CCBE1: variants seen among roughly 807,000 people sequenced by gnomAD.
The protein encoded by CCBE1 is collagen and calcium-binding EGF domain-containing protein 1.
In CCBE1, 37 loss-of-function variants were observed where a neutral mutation model predicts 50.0. That is an observed-to-expected ratio of 0.74 (90% CI 0.57 to 0.97). The LOEUF (loss-of-function observed/expected upper bound fraction) is 0.97, where lower values mean the gene tolerates loss of function less well. CCBE1 is among the 50% of genes least tolerant of loss of function. CCBE1 has a pLI of 0.00. For missense variants in CCBE1, 538 were observed against 523.8 expected, an observed-to-expected ratio of 1.03 and a Z score of -0.26; for synonymous variants, 234 against 203.7, an observed-to-expected ratio of 1.15 and a Z score of -1.27.
Position 59,433,127 on chromosome 18 carries a change from G to A in CCBE1, c.*2781C>T, listed in dbSNP as rs919605203. On this transcript the variant is annotated 3_prime_UTR_variant, in exon 11 of 11. Transcript: ENST00000439986. ...TGTTGAATTTTGCAGAGAGAAGGAG[G>A]AAGGAAAGATGCTAGATAAAGAGCA... 9.2e-5 allele frequency: 14 copies of A among 152,134 alleles called. No individual in the cohort carries two copies. The highest frequency in any genetic ancestry group is 3.4e-4 in the African/African-American group (14 of 41,504). 9.4% of individuals were successfully genotyped at this position (152,134 alleles called of 1,614,324 possible).
At chr18:59,559,275 G>A (rs2144441867) in intron 2 of CCBE1, among the ~76,000 whole-genome samples, 2 of 152,332 alleles carry the variant, frequency 1.3e-5, no homozygotes, top group African/African-American at 4.8e-5. Flanking sequence ...ACTGTGGGAA[G>A]TGCATGTCCA....
At position 59,442,455 on chromosome 18, in the gene CCBE1, C is replaced by T. The variant is rs115072906; in HGVS notation, c.776-2639G>A. 9.7e-3 allele frequency among the ~76,000 whole-genome samples: 1,483 copies of T among 152,224 alleles called. 23 individuals carry two copies. The highest frequency in any genetic ancestry group is 0.034 in the African/African-American group (1,396 of 41,522). Reference sequence around the variant, plus strand: ...AACATTTAAAAATTGGGGCCAGGTGCGGTGGCTCATGCCTGTAATCCCAGC... The same window carrying T: ...AACATTTAAAAATTGGGGCCAGGTGTGGTGGCTCATGCCTGTAATCCCAGC... On this transcript the variant is annotated intron_variant, in intron 7 of 10. Transcript: ENST00000439986.
At chr18:59,579,539 CA>C (rs1228177711) in intron 2 of CCBE1, among the ~76,000 whole-genome samples, 3 of 152,186 alleles carry the variant, frequency 2.0e-5, no homozygotes, top group African/African-American at 7.2e-5. Context: ...ATTCTGGTTC[CA>C]ACCAAGGACA....
At chr18:59,527,210 A>G (rs1245189888) in intron 2 of CCBE1, among the ~76,000 whole-genome samples, 1 of 152,146 alleles carries the variant, frequency 6.6e-6, no homozygotes, top group Non-Finnish European at 1.5e-5. Flanking sequence ...TATATTTAGG[A>G]TAGCTTTTCT....
intron 2 of CCBE1, among the ~76,000 whole-genome samples, chr18:59,566,120 G>A (rs568977911): frequency 2.2e-4 from 33 of 152,340 alleles, no homozygotes; most frequent in South Asian, 1.0e-3. Flanking sequence ...AACAGCAACC[G>A]TGGCTACCAG....
intron 2 of CCBE1, among the ~76,000 whole-genome samples, chr18:59,593,265 T>C (rs1025940840): frequency 6.6e-6 from 1 of 152,264 alleles, no homozygotes; most frequent in Non-Finnish European, 1.5e-5. Flanking sequence ...GTCCATGTGA[T>C]GTCCATCTGC....
chr18:59,452,436 C>CA (rs35831663), intron 6 of CCBE1, among the ~76,000 whole-genome samples: 5 of 151,850 alleles, frequency 3.3e-5, no homozygotes, highest in Middle Eastern at 3.4e-3. Context: ...ACTAAAAATA[C>CA]AAAAAAAATT....
chr18:59,644,976 C>A (rs367591339), intron 2 of CCBE1, among the ~76,000 whole-genome samples: 9 of 152,332 alleles, frequency 5.9e-5, no homozygotes, highest in Middle Eastern at 3.4e-3. Flanking sequence ...CTACCCTTGG[C>A]CAGATGCAGT....
chr18:59,468,902 A>G (rs1911887766), intron 4 of CCBE1, among the ~76,000 whole-genome samples: 1 of 151,358 alleles, frequency 6.6e-6, no homozygotes, highest in Non-Finnish European at 1.5e-5. Flanking sequence ...AACTGACCAC[A>G]CTTTCAGACA....
chr18:59,597,807 T>C (rs2053375706), intron 2 of CCBE1, among the ~76,000 whole-genome samples: 1 of 152,190 alleles, frequency 6.6e-6, no homozygotes, highest in Admixed American at 6.5e-5. Flanking sequence ...CTTATTACCA[T>C]CCAGATAACT....
chr18:59,670,892 G>A (rs968314188), intron 2 of CCBE1, among the ~76,000 whole-genome samples: 1 of 152,136 alleles, frequency 6.6e-6, no homozygotes, highest in African/African-American at 2.4e-5. Flanking sequence ...AGGTTTCAGT[G>A]AGCCTAGATC....
intron 2 of CCBE1, among the ~76,000 whole-genome samples, chr18:59,483,667 T>C (rs1024834684): frequency 1.3e-5 from 2 of 152,184 alleles, no homozygotes; most frequent in African/African-American, 2.4e-5. Flanking sequence ...AAAGTCAAAT[T>C]TGGTAACAGA....
chr18:59,494,154 C>T (rs1012219864), intron 2 of CCBE1, among the ~76,000 whole-genome samples: 1 of 152,176 alleles, frequency 6.6e-6, no homozygotes, highest in Admixed American at 6.6e-5. Flanking sequence ...GTAATGTGTC[C>T]TCTCAGTACA....
At chr18:59,513,098 A>G (rs1029922213) in intron 2 of CCBE1, among the ~76,000 whole-genome samples, 1 of 152,196 alleles carries the variant, frequency 6.6e-6, no homozygotes, top group Non-Finnish European at 1.5e-5. Context: ...ACTTGAGGTC[A>G]GGAGCTCGAG....
chr18:59,468,819 G>A (rs1046253275), intron 4 of CCBE1, among the ~76,000 whole-genome samples: 6 of 148,422 alleles, frequency 4.0e-5, no homozygotes. Context: ...GATTCATTAG[G>A]TGTGGAGAAA....
chr18:59,452,400 G>A (rs1407366718), intron 6 of CCBE1, among the ~76,000 whole-genome samples: 4 of 152,114 alleles, frequency 2.6e-5, no homozygotes, highest in Admixed American at 6.5e-5. Flanking sequence ...AGACCATCCT[G>A]GCCAACATAG....
At chr18:59,636,426 A>G (rs2053917613) in intron 2 of CCBE1, among the ~76,000 whole-genome samples, 1 of 152,354 alleles carries the variant, frequency 6.6e-6, no homozygotes, top group Non-Finnish European at 1.5e-5. Flanking sequence ...AAGTTGTCCC[A>G]GATCTAGGCA....
At chr18:59,639,099 CTT>C (rs2053951129) in intron 2 of CCBE1, among the ~76,000 whole-genome samples, 1 of 152,134 alleles carries the variant, frequency 6.6e-6, no homozygotes, top group Non-Finnish European at 1.5e-5. Flanking sequence ...CATGGCAAAA[CTT>C]TGTCTCTAAA....
chr18:59,448,391 C>G (rs1910781615), intron 6 of CCBE1, among the ~76,000 whole-genome samples: 1 of 152,104 alleles, frequency 6.6e-6, no homozygotes, highest in Non-Finnish European at 1.5e-5. Context: ...TTAATGGGAT[C>G]TACTTATTTC....
Sources: allele counts gnomAD v4.1 joint callset (sites outside exome capture counted in the v4.1 genomes callset), GRCh38; gene constraint gnomAD v4.1.1; transcripts MANE v1.5; gene names NCBI Gene and HGNC (gene_info 2026-07-23, HGNC 2026-07-21).